Variants in NRXN3 observed in about 807,000 individuals in gnomAD.
NRXN3 encodes neurexin 3.
A neutral mutation model predicts 137.6 loss-of-function variants in NRXN3; 32 were observed. The ratio of observed to expected loss-of-function variants is 0.23; its 90% CI spans 0.18 to 0.31. The LOEUF (loss-of-function observed/expected upper bound fraction) is 0.31. Ranked by LOEUF, NRXN3 falls within the 10% of genes least tolerant of loss-of-function variation. The probability of loss-of-function intolerance (pLI) is 1.00; values close to 1 mark genes in which losing one functional copy is unlikely to be tolerated. For synonymous variants in NRXN3, 798 were observed against 784.5 expected (o/e 1.02, Z -0.29); for missense variants, 1,574 against 2,062.5 (o/e 0.76, Z 4.59).
chr14:79,392,600 T>C (rs768595502), intron 15 of NRXN3, among the ~76,000 whole-genome samples: 5 of 152,132 alleles, frequency 3.3e-5, no homozygotes, highest in Non-Finnish European at 7.4e-5. Flanking sequence ...AAGCTCATCA[T>C]CATTGGTCGT....
intron 4 of NRXN3, among the ~76,000 whole-genome samples, chr14:78,400,190 G>GA (rs1447732290): frequency 6.6e-6 from 1 of 152,132 alleles, no homozygotes; most frequent in Non-Finnish European, 1.5e-5. Context: ...CTCAGACATA[G>GA]AAAAAATACA....
intron 16 of NRXN3, among the ~76,000 whole-genome samples, chr14:79,480,946 C>T (rs948175733): frequency 2.6e-5 from 4 of 152,136 alleles, no homozygotes; most frequent in African/African-American, 9.7e-5. Flanking sequence ...GCCAATTAAA[C>T]CCCTTTTCTT....
At chr14:79,142,469 G>A (rs1179328986) in intron 15 of NRXN3, among the ~76,000 whole-genome samples, 1 of 151,966 alleles carries the variant, frequency 6.6e-6, no homozygotes, top group East Asian at 1.9e-4. Context: ...GAGATAGAGT[G>A]ACCCCTGTCA....
chr14:78,212,455 A>C (rs2062841113), intron 1 of NRXN3, among the ~76,000 whole-genome samples: 1 of 152,132 alleles, frequency 6.6e-6, no homozygotes, highest in African/African-American at 2.4e-5. Context: ...TCAATTTCTG[A>C]TTTATCCTCA....
At chr14:78,199,876 A>G (rs974336524) in intron 1 of NRXN3, among the ~76,000 whole-genome samples, 15 of 152,142 alleles carry the variant, frequency 9.9e-5, no homozygotes, top group Non-Finnish European at 1.8e-4. Flanking sequence ...AACTCCATAC[A>G]TTATGTAGGA....
Position 79,535,887 on chromosome 14 carries a change from A to G in NRXN3, c.3444+68485A>G, listed in dbSNP as rs116206296. 3.9e-3 allele frequency among the ~76,000 whole-genome samples: 600 copies of G among 152,288 alleles called. 8 individuals carry two copies. The highest frequency in any genetic ancestry group is 0.013 in the African/African-American group (560 of 41,564). On this transcript the variant is annotated intron_variant, in intron 16 of 20. Coordinates refer to ENST00000335750, the MANE Select transcript of NRXN3 (RefSeq NM_001330195.2). ...CCCCTATAACAAGGCTATCAAAGAT[A>G]TATGTGTGTATCCAGGATAGGCATT... is the stretch of plus-strand genomic sequence containing the variant.
Position 79,369,688 on chromosome 14 carries a change from C to G in NRXN3, c.3263-97533C>G, listed in dbSNP as rs140804785. Among the ~76,000 whole-genome samples the G allele has an allele frequency of 2.9e-3, 444 of 152,204 alleles. 1 individual carries two copies. The highest frequency in any genetic ancestry group is 0.01 in the African/African-American group (419 of 41,540). On this transcript the variant is annotated intron_variant, in intron 15 of 20. Transcript: ENST00000335750. The stretch of plus-strand genomic sequence containing the variant: ...TGTTACCCCTCAATTTTCTCTTTTT[C>G]AATTATTTCTGATCCTTCTCACTTT...
intron 10 of NRXN3, among the ~76,000 whole-genome samples, chr14:78,816,446 C>T (rs945327943): frequency 5.9e-5 from 9 of 151,980 alleles, no homozygotes; most frequent in Non-Finnish European, 2.9e-5. Flanking sequence ...CTTATTTTTC[C>T]ACTAAAAATG....
chr14:79,077,663 G>A (rs2046207749), intron 15 of NRXN3, among the ~76,000 whole-genome samples: 1 of 152,070 alleles, frequency 6.6e-6, no homozygotes, highest in Non-Finnish European at 1.5e-5. Flanking sequence ...ATGTCCTATA[G>A]GACTAAACCT....
intron 15 of NRXN3, among the ~76,000 whole-genome samples, chr14:79,376,782 C>T (rs569925493): frequency 3.9e-5 from 6 of 152,250 alleles, no homozygotes; most frequent in East Asian, 3.9e-4. Flanking sequence ...TACATGATTA[C>T]GATGCATATG....
chr14:78,463,782 T>TC (rs1433731489), intron 4 of NRXN3, among the ~76,000 whole-genome samples: 3 of 149,592 alleles, frequency 2.0e-5, no homozygotes, highest in Admixed American at 6.7e-5. Context: ...TGTTGGGATT[T>TC]TTTTTAGATA....
At chr14:78,786,879 A>G (rs1230590245) in intron 8 of NRXN3, among the ~76,000 whole-genome samples, 1 of 152,156 alleles carries the variant, frequency 6.6e-6, no homozygotes, top group Non-Finnish European at 1.5e-5. Context: ...AAGGGAAATC[A>G]AGGCTTTAAA....
Position 78,833,322 on chromosome 14 carries a change from A to T in NRXN3, c.2275+22978A>T, listed in dbSNP as rs372704578. 9.9e-5 allele frequency among the ~76,000 whole-genome samples: 15 copies of T among 152,262 alleles called. No individual in the cohort carries two copies. The East Asian group carries it at 1.7e-3, about 18-fold the overall frequency. On this transcript the variant is annotated intron_variant, in intron 10 of 20. Transcript: ENST00000335750. ...GAGCCTTGGTTTTGTGAGCCCATAA[A>T]TGCCAGGAAGCCTCCAAGATTTCTA...
intron 15 of NRXN3, among the ~76,000 whole-genome samples, chr14:79,042,606 A>C (rs757598540): frequency 5.9e-5 from 9 of 152,252 alleles, no homozygotes; most frequent in Admixed American, 3.3e-4. Flanking sequence ...TGTAATAAAT[A>C]GAATGGGAGT....
chr14:78,363,365 A>G (rs1048784600), intron 4 of NRXN3, among the ~76,000 whole-genome samples: 1 of 152,204 alleles, frequency 6.6e-6, no homozygotes, highest in East Asian at 1.9e-4. Flanking sequence ...GCAAGGGCAA[A>G]AAGAGTGATT....
At chr14:79,552,756 G>A (rs1415817643) in intron 16 of NRXN3, among the ~76,000 whole-genome samples, 1 of 152,102 alleles carries the variant, frequency 6.6e-6, no homozygotes, top group African/African-American at 2.4e-5. Flanking sequence ...CAAGCTATAG[G>A]AAAGTGAGGG....
At chr14:78,441,677 C>T in intron 4 of NRXN3, among the ~76,000 whole-genome samples, 1 of 151,960 alleles carries the variant, frequency 6.6e-6, no homozygotes, top group East Asian at 1.9e-4. Context: ...ATTGCTGGAA[C>T]TTGTCAATGT....
chr14:78,863,036 G>C (rs952993496), intron 10 of NRXN3, among the ~76,000 whole-genome samples: 1 of 152,092 alleles, frequency 6.6e-6, no homozygotes, highest in South Asian at 2.1e-4. Flanking sequence ...ATACATTTCT[G>C]ATATGCCTAT....
chr14:79,250,700 A>G (rs376374005), intron 15 of NRXN3, among the ~76,000 whole-genome samples: 120 of 152,304 alleles, frequency 7.9e-4, no homozygotes, highest in African/African-American at 2.8e-3. Flanking sequence ...ATAATTATAT[A>G]TCCAAGACAG....
Sources: gnomAD v4.1 joint callset for allele counts (sites outside exome capture counted in the v4.1 genomes callset) on GRCh38, gnomAD v4.1.1 for gene constraint, MANE v1.5 for transcripts, NCBI Gene and HGNC (gene_info 2026-07-23, HGNC 2026-07-21) for gene names.